GAN: variants seen among roughly 807,000 people sequenced by gnomAD.
GAN encodes the protein epididymis secretory sperm binding protein.
Under a neutral mutation model 71.3 loss-of-function variants are expected in GAN, and 48 were observed. The observed-to-expected ratio is 0.67, with a 90% CI of 0.53 to 0.86. The LOEUF is 0.86. GAN is among the 40% of genes least tolerant of loss of function. GAN has a pLI of 0.00. For missense variants in GAN, 928 were observed against 770.1 expected (o/e 1.21, Z -2.43); for synonymous variants, 386 against 276.8 (o/e 1.39, Z -3.92).
At chr16:81,360,068 T>TGGATGGAC (rs58464258) in intron 5 of GAN, among the ~76,000 whole-genome samples, 2 of 145,816 alleles carry the variant, frequency 1.4e-5, no homozygotes, top group East Asian at 2.0e-4. Flanking sequence ...GATGGATGGA[T>TGGATGGAC]AGATGGATGG....
At chr16:81,365,499 A>T (rs931636191) in intron 9 of GAN, 21 bp downstream of exon 9, 1 of 1,610,084 alleles carries the variant, frequency 6.2e-7, no homozygotes, top group African/African-American at 1.3e-5. Context: ...ATGGTTTCAC[A>T]TAGCTACTGC....
intron 9 of GAN, among the ~76,000 whole-genome samples, chr16:81,368,720 C>T (rs1910941810): frequency 6.6e-6 from 1 of 152,214 alleles, no homozygotes; most frequent in Non-Finnish European, 1.5e-5. Flanking sequence ...ACCTTCCCTG[C>T]CCCGCTGCTA....
At chr16:81,342,876 G>GCTA (rs1308278562) in intron 1 of GAN, among the ~76,000 whole-genome samples, 2 of 152,130 alleles carry the variant, frequency 1.3e-5, no homozygotes, top group Non-Finnish European at 2.9e-5. Flanking sequence ...TGGTTAGACT[G>GCTA]CTAGCAAGAC....
intron 1 of GAN, among the ~76,000 whole-genome samples, chr16:81,320,619 G>A (rs1411607521): frequency 1.3e-5 from 2 of 152,190 alleles, no homozygotes; most frequent in African/African-American, 2.4e-5. Context: ...TTGTCATAAG[G>A]ATCTTGAATA....
chr16:81,369,024 T>A (rs1360603343), intron 9 of GAN, among the ~76,000 whole-genome samples: 2 of 152,240 alleles, frequency 1.3e-5, no homozygotes, highest in Admixed American at 1.3e-4. Flanking sequence ...TATCGTATAC[T>A]CCAGCTCACT....
chr16:81,362,973 A>G (rs1418694697), intron 6 of GAN, among the ~76,000 whole-genome samples: 2 of 152,220 alleles, frequency 1.3e-5, no homozygotes, highest in African/African-American at 2.4e-5. Flanking sequence ...CTCACGGACC[A>G]GGCATTTAAA....
chr16:81,319,597 T>C (rs1220579580), intron 1 of GAN, among the ~76,000 whole-genome samples: 1 of 152,204 alleles, frequency 6.6e-6, no homozygotes, highest in Admixed American at 6.5e-5. Flanking sequence ...GGAGACCTAT[T>C]GCAACAAAAG....
At chr16:81,364,499 T>C (rs1910784135) in intron 7 of GAN, among the ~76,000 whole-genome samples, 1 of 152,150 alleles carries the variant, frequency 6.6e-6, no homozygotes, top group Admixed American at 6.5e-5. Context: ...ACTCTTAGGC[T>C]GAAGCGATCC....
chr16:81,376,401 C>G (rs1384524609), intron 9 of GAN, among the ~76,000 whole-genome samples: 1 of 151,526 alleles, frequency 6.6e-6, no homozygotes, highest in Non-Finnish European at 1.5e-5. Flanking sequence ...GGGCAGATCA[C>G]CTGAGCCCAG....
At chr16:81,359,277 T>C (rs1176722450) in intron 5 of GAN, among the ~76,000 whole-genome samples, 1 of 152,150 alleles carries the variant, frequency 6.6e-6, no homozygotes, top group Non-Finnish European at 1.5e-5. Flanking sequence ...ATGACTAATA[T>C]TTGAAAGTTT....
chr16:81,377,418 C>T lies in GAN; in HGVS notation c.1616C>T (p.Thr539Ile). 1.2e-6 allele frequency: 2 copies of T among 1,613,688 alleles called. No individual in the cohort carries two copies. The highest frequency in any genetic ancestry group is 8.5e-7 in the Non-Finnish European group (1 of 1,179,618). ...IYVIGDLDTG[T>I]NYDYVREFKR... ...CTTGCTTATTTCTGTGGCTTAGGTA[C>T]CAATTACGACTACGTGCGTGAGTTT... The change falls in exon 11 of 11, where the codon ACC becomes ATC. Residue 539 changes from threonine (T) to isoleucine (I), a missense_variant. Physicochemically the swap from Thr to Ile is moderately conservative, Grantham distance 89. Transcript: ENST00000648994.
At chr16:81,376,282 T>C (rs1410639264) in intron 9 of GAN, among the ~76,000 whole-genome samples, 3 of 152,130 alleles carry the variant, frequency 2.0e-5, no homozygotes, top group African/African-American at 7.2e-5. Flanking sequence ...CCTGACAGCC[T>C]TATTCATAAC....
At chr16:81,345,538 T>C (rs1200507076) in intron 1 of GAN, among the ~76,000 whole-genome samples, 2 of 152,072 alleles carry the variant, frequency 1.3e-5, no homozygotes, top group South Asian at 2.1e-4. Flanking sequence ...TAAGTGGAAG[T>C]TGAACAATGA....
intron 2 of GAN, among the ~76,000 whole-genome samples, chr16:81,354,140 C>A (rs937502585): frequency 1.4e-4 from 21 of 151,878 alleles, no homozygotes; most frequent in African/African-American, 4.4e-4. Flanking sequence ...GACAGTTCAC[C>A]CTAAAAGGGT....
intron 1 of GAN, among the ~76,000 whole-genome samples, chr16:81,319,361 T>C (rs990538040): frequency 2.0e-5 from 3 of 152,002 alleles, no homozygotes; most frequent in African/African-American, 4.8e-5. Flanking sequence ...TTCTTTTGAA[T>C]ATTACAGTTT....
At chr16:81,338,283 T>A (rs2216771) in intron 1 of GAN, among the ~76,000 whole-genome samples, 122,458 of 152,154 alleles carry the variant, frequency 0.8, 49,601 homozygotes, top group East Asian at 0.95. Context: ...ATGTAATAAT[T>A]AAAAAGAATA....
chr16:81,360,196 G>C (rs565755720), intron 5 of GAN, among the ~76,000 whole-genome samples: 1 of 152,246 alleles, frequency 6.6e-6, no homozygotes, highest in African/African-American at 2.4e-5. Flanking sequence ...TTTCCACCTA[G>C]GATCATCTCC....
intron 2 of GAN, among the ~76,000 whole-genome samples, chr16:81,353,227 G>A (rs1252912185): frequency 6.7e-6 from 1 of 148,592 alleles, no homozygotes; most frequent in East Asian, 2.0e-4. Flanking sequence ...AGGGGGCGGA[G>A]CCTGCAGTGA....
At chr16:81,320,079 A>G (rs918424714) in intron 1 of GAN, among the ~76,000 whole-genome samples, 1 of 152,194 alleles carries the variant, frequency 6.6e-6, no homozygotes, top group Non-Finnish European at 1.5e-5. Context: ...TATCACAACA[A>G]TCATTTATTT....
Sources: gnomAD v4.1 joint callset for allele counts (sites outside exome capture counted in the v4.1 genomes callset) on GRCh38, gnomAD v4.1.1 for gene constraint, MANE v1.5 for transcripts, NCBI Gene and HGNC (gene_info 2026-07-23, HGNC 2026-07-21) for gene names.